Variants in CDH18 observed in about 807,000 individuals in gnomAD.
CDH18 encodes the protein cadherin-18.
CDH18 carries 31 observed loss-of-function variants against 67.9 expected under a neutral mutation model. That is an observed-to-expected ratio of 0.46 (90% CI 0.34 to 0.62). The LOEUF (loss-of-function observed/expected upper bound fraction) is 0.62. CDH18 is among the 20% of genes least tolerant of loss of function. CDH18 has a pLI of 0.01. For synonymous variants in CDH18, 362 were observed against 347.2 expected (o/e 1.04, Z -0.48); for missense variants, 890 against 975.5 (o/e 0.91, Z 1.17).
intron 1 of CDH18, among the ~76,000 whole-genome samples, chr5:20,393,138 A>G (rs1362338772): frequency 6.6e-6 from 1 of 151,952 alleles, no homozygotes; most frequent in African/African-American, 2.4e-5. Flanking sequence ...TATTATGCTA[A>G]TATAATCAAG....
intron 2 of CDH18, among the ~76,000 whole-genome samples, chr5:20,000,850 T>G (rs769762553): frequency 1.3e-5 from 2 of 152,060 alleles, no homozygotes; most frequent in Non-Finnish European, 2.9e-5. Context: ...AATGGCACTT[T>G]AAAGGAAAAG....
At chr5:20,008,369 T>C (rs1737109476) in intron 2 of CDH18, among the ~76,000 whole-genome samples, 1 of 152,154 alleles carries the variant, frequency 6.6e-6, no homozygotes, top group African/African-American at 2.4e-5. Context: ...ACTAAACATT[T>C]AATTACATTT....
chr5:20,389,039 G>A (rs1017317507), intron 1 of CDH18, among the ~76,000 whole-genome samples: 4 of 152,148 alleles, frequency 2.6e-5, no homozygotes, highest in Admixed American at 2.0e-4. Context: ...TTGACTTGGG[G>A]TGGAGAGATC....
chr5:19,842,623 C>G (rs571959860), intron 2 of CDH18, among the ~76,000 whole-genome samples: 1 of 152,058 alleles, frequency 6.6e-6, no homozygotes, highest in Non-Finnish European at 1.5e-5. Context: ...TAATACAATA[C>G]ATTTTACCAG....
chr5:19,526,731 C>A (rs547449961), intron 9 of CDH18, among the ~76,000 whole-genome samples: 79 of 151,980 alleles, frequency 5.2e-4, no homozygotes, highest in Admixed American at 9.8e-4. Flanking sequence ...GATTTCTAAT[C>A]TGATTATTCA....
chr5:20,396,815 G>A (rs759093853), intron 1 of CDH18, among the ~76,000 whole-genome samples: 4 of 152,014 alleles, frequency 2.6e-5, no homozygotes, highest in Non-Finnish European at 4.4e-5. Context: ...TGATTAATTT[G>A]AATTAAAATA....
At chr5:20,348,702 G>A (rs1740908254) in intron 1 of CDH18, among the ~76,000 whole-genome samples, 1 of 152,120 alleles carries the variant, frequency 6.6e-6, no homozygotes, top group South Asian at 2.1e-4. Context: ...AAAGTGAAGA[G>A]AGTGCATTCC....
At chr5:19,870,776 T>C (rs1014305282) in intron 2 of CDH18, among the ~76,000 whole-genome samples, 2 of 152,192 alleles carry the variant, frequency 1.3e-5, no homozygotes, top group East Asian at 3.9e-4. Flanking sequence ...AAGGATTCAG[T>C]GTATTCTTAC....
chr5:19,555,917 T>C (rs1002875292), intron 8 of CDH18, among the ~76,000 whole-genome samples: 2 of 152,160 alleles, frequency 1.3e-5, no homozygotes, highest in Non-Finnish European at 2.9e-5. Context: ...TATCCACAGC[T>C]GAGAGACCTG....
intron 2 of CDH18, among the ~76,000 whole-genome samples, chr5:19,903,290 T>C (rs1472039844): frequency 6.6e-6 from 1 of 151,458 alleles, no homozygotes; most frequent in Non-Finnish European, 1.5e-5. Flanking sequence ...GGGGAAGTGT[T>C]AGATCACATT....
At chr5:19,903,374 G>A (rs546665380) in intron 2 of CDH18, among the ~76,000 whole-genome samples, 1 of 151,478 alleles carries the variant, frequency 6.6e-6, no homozygotes, top group South Asian at 2.1e-4. Context: ...TTGAAATAGT[G>A]TTCTTTCCTC....
chr5:19,913,677 T>C (rs1008608190), intron 2 of CDH18, among the ~76,000 whole-genome samples: 1 of 152,106 alleles, frequency 6.6e-6, no homozygotes, highest in African/African-American at 2.4e-5. Context: ...ACATGATATC[T>C]ATCTAAAAAA....
At chr5:19,707,283 G>A (rs1188446044) in intron 5 of CDH18, among the ~76,000 whole-genome samples, 1 of 152,196 alleles carries the variant, frequency 6.6e-6, no homozygotes, top group East Asian at 1.9e-4. Context: ...AGCTGTCGCA[G>A]ATGGTGGAAG....
chr5:20,514,168 C>T (rs1755218389), intron 1 of CDH18, among the ~76,000 whole-genome samples: 1 of 152,072 alleles, frequency 6.6e-6, no homozygotes, highest in Admixed American at 6.6e-5. Flanking sequence ...AATATTCTTC[C>T]TCACTCCACC....
intron 1 of CDH18, among the ~76,000 whole-genome samples, chr5:20,495,798 A>T (rs1394448216): frequency 6.8e-6 from 1 of 146,856 alleles, no homozygotes; most frequent in Non-Finnish European, 1.6e-5. Flanking sequence ...GAGTTCTAGA[A>T]CTCAGAAAAT....
intron 1 of CDH18, among the ~76,000 whole-genome samples, chr5:20,560,260 T>C (rs561924082): frequency 6.6e-6 from 1 of 152,214 alleles, no homozygotes; most frequent in South Asian, 2.1e-4. Context: ...TAAACAGTCA[T>C]GGAGAGTGCT....
chr5:20,295,220 T>A (rs1055424262), intron 1 of CDH18, among the ~76,000 whole-genome samples: 3 of 152,140 alleles, frequency 2.0e-5, no homozygotes, highest in Non-Finnish European at 4.4e-5. Flanking sequence ...TGATTTTATA[T>A]TGTTTTGCAT....
intron 1 of CDH18, among the ~76,000 whole-genome samples, chr5:20,419,387 A>G (rs1747637958): frequency 6.6e-6 from 1 of 150,890 alleles, no homozygotes; most frequent in Non-Finnish European, 1.5e-5. Flanking sequence ...CTCTGATCTC[A>G]GACTTCCAGC....
At chr5:20,551,147 T>C (rs1757612623) in intron 1 of CDH18, among the ~76,000 whole-genome samples, 1 of 152,188 alleles carries the variant, frequency 6.6e-6, no homozygotes, top group Non-Finnish European at 1.5e-5. Context: ...AATGTAAATC[T>C]CTTTCTGATA....
Sources: allele counts gnomAD v4.1 joint callset (sites outside exome capture counted in the v4.1 genomes callset), GRCh38; gene constraint gnomAD v4.1.1; transcripts MANE v1.5; gene names NCBI Gene and HGNC (gene_info 2026-07-23, HGNC 2026-07-21).